Variants in NFIL3 observed in about 807,000 individuals in gnomAD.
NFIL3 encodes nuclear factor, interleukin 3 regulated.
A neutral mutation model predicts 10.0 loss-of-function variants in NFIL3; 5 were observed. The ratio of observed to expected loss-of-function variants is 0.50; its 90% CI spans 0.26 to 1.06. NFIL3 has a LOEUF of 1.06. NFIL3 is among the 50% of genes least tolerant of loss of function. The probability of loss-of-function intolerance (pLI) is 0.13; values close to 1 mark genes in which losing one functional copy is unlikely to be tolerated. For synonymous variants in NFIL3, 202 were observed against 206.5 expected, an observed-to-expected ratio of 0.98 and a Z score of 0.19; for missense variants, 436 against 547.6, an observed-to-expected ratio of 0.80 and a Z score of 2.03.
chr9:91,410,288 A>G lies in NFIL3; in HGVS notation c.447T>C (p.Phe149=). ...TGGATTTGGAAGTCTGGTAATCTTG[A>G]AAGTACACAGCTGTAGAATTACTGA... ...QKLSNSTAVY[F]QDYQTSKSNV... is the part of the protein sequence containing the mutation. The change falls in exon 2 of 2, where the codon TTT becomes TTC. Residue 149 remains phenylalanine, a synonymous_variant. Transcript: ENST00000297689. The surrounding 1 kb of genome is among the most constrained non-coding windows in gnomAD (Gnocchi z 5.7). 1 of 1,614,202 alleles carries G rather than the reference A, an allele frequency of 6.2e-7. No individual in the cohort carries two copies. Among genetic ancestry groups the G allele is most frequent in the South Asian group, 1.1e-5 (1 of 91,088 alleles).
rs1034687068 is a variant in NFIL3 at position 91,413,827 on chromosome 9, A to G, written c.-172-2921T>C. On this transcript the variant is annotated intron_variant, in intron 1 of 1. Transcript: ENST00000297689. The stretch of plus-strand genomic sequence containing the variant: ...ACTTTTAGTTTTTAAACATCATATG[A>G]TCCCTTGCAGACTATTATTCTGGTT... Among the ~76,000 whole-genome samples, 3 of 151,986 alleles carry G rather than the reference A, an allele frequency of 2.0e-5. 1 individual carries two copies. The South Asian group carries it at 6.2e-4, about 32-fold the overall frequency.
the NFIL3 span, among the ~76,000 whole-genome samples, chr9:91,429,167 A>C: frequency 1.4e-4 from 21 of 152,344 alleles, no homozygotes; most frequent in African/African-American, 4.6e-4. Context: ...GCTTATCTAA[A>C]CATTTCTGTG....
the NFIL3 span, among the ~76,000 whole-genome samples, chr9:91,471,231 T>C: frequency 3.3e-5 from 5 of 152,210 alleles, no homozygotes; most frequent in East Asian, 3.9e-4. Flanking sequence ...ATATTTAGGA[T>C]AGTTAGCTCT....
At chr9:91,436,006 C>CA in the NFIL3 span, among the ~76,000 whole-genome samples, 1 of 152,098 alleles carries the variant, frequency 6.6e-6, no homozygotes, top group South Asian at 2.1e-4. Context: ...CAAAAAAACC[C>CA]AAAAAACTCC....
At chr9:91,425,536 C>T (rs1023544773), upstream of NFIL3, among the ~76,000 whole-genome samples, 2 of 152,306 alleles carry the variant, frequency 1.3e-5, 1 homozygote, top group South Asian at 4.1e-4. Context: ...ACCATCTTCC[C>T]GGTGCTGACT....
chr9:91,482,453 ATG>A, the NFIL3 span, among the ~76,000 whole-genome samples: 4 of 152,028 alleles, frequency 2.6e-5, no homozygotes, highest in Admixed American at 2.0e-4. Context: ...GATGATGATG[ATG>A]ATGATGATGG....
chr9:91,425,454 C>G (rs1474713277), upstream of NFIL3, among the ~76,000 whole-genome samples: 2 of 152,180 alleles, frequency 1.3e-5, no homozygotes, highest in African/African-American at 2.4e-5. Flanking sequence ...CGTGATTTAT[C>G]TGGTAGTACA....
the NFIL3 span, among the ~76,000 whole-genome samples, chr9:91,433,691 G>A: frequency 5.3e-5 from 8 of 152,212 alleles, no homozygotes; most frequent in African/African-American, 1.7e-4. Flanking sequence ...CACAAACCTC[G>A]ATTTGTTTAA....
At chr9:91,470,185 A>C in the NFIL3 span, among the ~76,000 whole-genome samples, 1 of 151,988 alleles carries the variant, frequency 6.6e-6, no homozygotes, top group South Asian at 2.1e-4. Flanking sequence ...TTGGTAGGCT[A>C]TTAATTATTG....
the NFIL3 span, among the ~76,000 whole-genome samples, chr9:91,433,077 A>G: frequency 6.6e-6 from 1 of 152,206 alleles, no homozygotes; most frequent in Non-Finnish European, 1.5e-5. Flanking sequence ...ACAGGAAAAA[A>G]AAGAATTATC....
At chr9:91,444,446 G>A in the NFIL3 span, among the ~76,000 whole-genome samples, 1 of 152,078 alleles carries the variant, frequency 6.6e-6, no homozygotes, top group Non-Finnish European at 1.5e-5. Flanking sequence ...TTTTCTTGGA[G>A]TCAGTTACTG....
At position 91,409,813 on chromosome 9, in the gene NFIL3, C is replaced by T. The variant is rs1052444105; in HGVS notation, c.922G>A (p.Val308Met). The change falls in exon 2 of 2, where the codon GTG becomes ATG. Residue 308 changes from valine to methionine, a missense_variant. By Grantham distance (21) the Val-to-Met change is conservative (BLOSUM62 1). Transcript: ENST00000297689. Reference sequence around the variant, plus strand: ...GGAACTTTAACCACAGTTGCATGCACATGCTTGAGTTCAACTGGAGAATGG... The same window carrying T: ...GGAACTTTAACCACAGTTGCATGCATATGCTTGAGTTCAACTGGAGAATGG... ...PIHSPVELKH[V>M]HATVVKVPEV... is the part of the protein sequence containing the mutation. 2 of 1,614,158 alleles carry T rather than the reference C, an allele frequency of 1.2e-6. No homozygotes were observed. The highest frequency in any genetic ancestry group is 1.7e-5 in the Admixed American group (1 of 60,018).
chr9:91,457,991 C>A, the NFIL3 span, among the ~76,000 whole-genome samples: 3 of 151,802 alleles, frequency 2.0e-5, no homozygotes, highest in Admixed American at 2.0e-4. Context: ...TGCAAGCCAA[C>A]CTTGTATTCA....
intron 1 of NFIL3, among the ~76,000 whole-genome samples, chr9:91,419,331 G>GC (rs577350701): frequency 9.2e-5 from 14 of 152,106 alleles, no homozygotes; most frequent in Non-Finnish European, 1.8e-4. Flanking sequence ...TGCTGCAATC[G>GC]CATTTACATC....
At chr9:91,477,298 T>A in the NFIL3 span, among the ~76,000 whole-genome samples, 3 of 151,946 alleles carry the variant, frequency 2.0e-5, no homozygotes, top group African/African-American at 7.3e-5. Context: ...CGACAGGGAG[T>A]CCCTCACATA....
chr9:91,412,852 C>CAA (rs769413699), intron 1 of NFIL3, among the ~76,000 whole-genome samples: 7 of 60,342 alleles, frequency 1.2e-4, no homozygotes, highest in Admixed American at 1.8e-4. Flanking sequence ...GACTTCGTCT[C>CAA]AAAAAAAAAA....
the NFIL3 span, among the ~76,000 whole-genome samples, chr9:91,470,225 T>C: frequency 1.3e-5 from 2 of 151,960 alleles, no homozygotes; most frequent in Non-Finnish European, 2.9e-5. Flanking sequence ...TATTGGTCTA[T>C]TCAGGGATTC....
At chr9:91,469,452 A>C in the NFIL3 span, among the ~76,000 whole-genome samples, 2 of 152,122 alleles carry the variant, frequency 1.3e-5, no homozygotes, top group Admixed American at 1.3e-4. Flanking sequence ...GGGCTTTCTA[A>C]ATATACAATC....
chr9:91,426,703 A>G (rs1028616200), upstream of NFIL3: 1 of 152,224 alleles, frequency 6.6e-6, no homozygotes, highest in Non-Finnish European at 1.5e-5. Flanking sequence ...CTGACTAAGC[A>G]AATATAAGAG....
Sources: gnomAD v4.1 joint callset for allele counts (sites outside exome capture counted in the v4.1 genomes callset) on GRCh38, gnomAD v4.1.1 for gene constraint, Gnocchi (gnomAD v3.1) non-coding constraint, MANE v1.5 for transcripts, NCBI Gene and HGNC (gene_info 2026-07-23, HGNC 2026-07-21) for gene names.